The following GSPT1 variants were observed in gnomAD, a reference collection of about 807,000 sequenced individuals.
The protein encoded by GSPT1 is G1 to S phase transition 1.
Under a neutral mutation model 72.5 loss-of-function variants are expected in GSPT1, and 20 were observed. That is an observed-to-expected ratio of 0.28 (90% CI 0.19 to 0.40). The LOEUF (loss-of-function observed/expected upper bound fraction) is 0.40, where lower values mean the gene tolerates loss of function less well. Among genes scored for constraint, GSPT1 ranks in the 10% least tolerant of loss-of-function variants. The probability of loss-of-function intolerance (pLI) is 1.00; values close to 1 mark genes in which losing one functional copy is unlikely to be tolerated. For synonymous variants in GSPT1, 334 were observed against 293.5 expected (o/e 1.14, Z -1.41); for missense variants, 580 against 811.9 (o/e 0.71, Z 3.47).
chr16:11,890,725 C>T (rs2054248153), intron 6 of GSPT1: 1 of 171,000 alleles, frequency 5.8e-6, no homozygotes, highest in African/African-American at 2.4e-5. Flanking sequence ...TTCCTGCTTC[C>T]CCCCAACTGC....
Position 11,873,083 on chromosome 16 carries a change from T to G in GSPT1, c.*36A>C. On this transcript the variant is annotated 3_prime_UTR_variant, in exon 15 of 15. Coordinates refer to ENST00000434724, the MANE Select transcript of GSPT1 (RefSeq NM_002094.4). ...TGAAGTAGGCTTCTGCAGTCAATTT[T>G]CCTCACAGTATTGTGCAGGGTCATC... 1 of 1,307,124 alleles carries G rather than the reference T, an allele frequency of 7.7e-7. No homozygotes were observed. Among genetic ancestry groups the G allele is most frequent in the South Asian group, 1.2e-5 (1 of 80,266 alleles). The allele number at this position is 1,307,124 out of a possible 1,614,324, so 81.0% of individuals were successfully genotyped here. A position where few individuals can be genotyped will look rare whatever the true frequency, so the allele number is the denominator to read the frequency against.
intron 14 of GSPT1, among the ~76,000 whole-genome samples, chr16:11,873,975 A>T (rs2054008339): frequency 6.6e-6 from 1 of 152,242 alleles, no homozygotes. Flanking sequence ...CAGTGATACA[A>T]AGGAATAAAT....
In GSPT1 at chr16:11,915,480, G is replaced by T; in HGVS notation, c.241C>A (p.His81Asn). Reference protein sequence around the residue: ...VNAKPFVPNVHAAEFVPSFLR... With the variant: ...VNAKPFVPNVNAAEFVPSFLR... ...AAGGACGGCACGAACTCGGCGGCGT[G>T]GACGTTGGGCACGAAGGGCTTGGCG... is the stretch of plus-strand genomic sequence containing the variant. Residue 81 changes from histidine (H) to asparagine (N), a missense_variant, in exon 1 of 15, where the codon CAC becomes AAC. Physicochemically the swap from His to Asn is moderately conservative, Grantham distance 68 (BLOSUM62 1). This residue lies in a region of GSPT1 where 327 missense variants were observed against 298.8 expected (regional missense o/e 1.09). Coordinates refer to ENST00000434724, the MANE Select transcript of GSPT1 (RefSeq NM_002094.4). The T allele has an allele frequency of 1.3e-6, 2 of 1,552,120 alleles. No individual in the cohort carries two copies. The highest frequency in any genetic ancestry group is 2.6e-5 in the East Asian group (1 of 37,968).
intron 6 of GSPT1, among the ~76,000 whole-genome samples, chr16:11,889,931 G>A (rs1031308024): frequency 4.0e-5 from 6 of 151,528 alleles, no homozygotes; most frequent in African/African-American, 9.7e-5. Flanking sequence ...TTGAGTCACC[G>A]CGCCTGGCCC....
rs555157227 is a variant in GSPT1 at position 11,899,699 on chromosome 16, A to T, written c.353-1664T>A. ...CATTTTCAAGAAAAGTTTAAGGATA[A>T]GGTAAGGAAAAATTACTCAGTTTTC... On this transcript the variant is annotated intron_variant, in intron 1 of 14. Transcript: ENST00000434724. Among the ~76,000 whole-genome samples the T allele has an allele frequency of 3.3e-5, 5 of 152,258 alleles. No homozygotes were observed. In the East Asian group the frequency reaches 7.7e-4, roughly 24 times the overall value.
At chr16:11,908,779 A>T (rs2150890549) in intron 1 of GSPT1, 1 of 45,410 alleles carries the variant, frequency 2.2e-5, no homozygotes, top group Admixed American at 2.3e-4. Context: ...AAAAAAAAAA[A>T]AAAAAAAAAA....
intron 4 of GSPT1, among the ~76,000 whole-genome samples, chr16:11,896,328 A>G (rs1215305394): frequency 3.3e-5 from 5 of 152,248 alleles, no homozygotes; most frequent in African/African-American, 1.2e-4. Context: ...TACGTACAAT[A>G]TACTGAAGTT....
intron 5 of GSPT1, among the ~76,000 whole-genome samples, 199 bp from the exon 6 acceptor site, chr16:11,891,338 A>G (rs940351291): frequency 5.4e-5 from 8 of 147,498 alleles, no homozygotes; most frequent in South Asian, 2.1e-4. Flanking sequence ...ACATTTTTAT[A>G]TAAAATATAT....
At chr16:11,910,144 G>C (rs1256382812) in intron 1 of GSPT1, among the ~76,000 whole-genome samples, 1 of 152,140 alleles carries the variant, frequency 6.6e-6, no homozygotes, top group African/African-American at 2.4e-5. Context: ...CAACCTTGGT[G>C]ATCAGGCTTT....
chr16:11,886,701 C>T, intron 8 of GSPT1, 76 bp downstream of exon 8: 1 of 1,552,646 alleles, frequency 6.4e-7, no homozygotes, highest in East Asian at 2.2e-5. Context: ...TTTAGAAAAA[C>T]CCTAGAGAAA....
intron 1 of GSPT1, among the ~76,000 whole-genome samples, chr16:11,910,292 T>C (rs2054542071): frequency 6.6e-6 from 1 of 152,208 alleles, no homozygotes; most frequent in Non-Finnish European, 1.5e-5. Context: ...GGATTGCTGT[T>C]CTCGGCTTTG....
rs1057324925 is a variant in GSPT1, at chr16:11,886,584, C to G, written c.1140G>C (p.Val380=). Residue 380 remains valine, a synonymous_variant, in exon 9 of 15, where the codon GTG becomes GTC. Coordinates refer to ENST00000434724, the MANE Select transcript of GSPT1 (RefSeq NM_002094.4). ...ERYEECKEKL[V]PFLKKVGFNP... ...TGAAGCCAACTTTTTTCAAAAATGGCACTAGTTTCTCCTTACATTCTTCAT... is the reference window on the plus strand; with the variant it reads ...TGAAGCCAACTTTTTTCAAAAATGGGACTAGTTTCTCCTTACATTCTTCAT... The G allele has an allele frequency of 1.7e-5, 28 of 1,611,730 alleles. No homozygotes were observed. Among genetic ancestry groups the G allele is most frequent in the Non-Finnish European group, 2.2e-5 (26 of 1,178,096 alleles).
At chr16:11,886,648 A>C in intron 8 of GSPT1, 37 bp from the exon 9 acceptor site, 1 of 1,577,136 alleles carries the variant, frequency 6.3e-7, no homozygotes, top group Non-Finnish European at 8.7e-7. Flanking sequence ...CTCAATTATA[A>C]TGTAAACCAA....
At position 11,873,852 on chromosome 16, in the gene GSPT1, G is replaced by A. The variant is rs1428503036; in HGVS notation, c.1862-681C>T. The stretch of plus-strand genomic sequence containing the variant: ...GATCCGCCTGCCTCGGCCTCCCAAA[G>A]TGCTGGGATTACAGGGGTGAGCCAC... On this transcript the variant is annotated intron_variant, in intron 14 of 14. Transcript: ENST00000434724. 2.0e-5 allele frequency among the ~76,000 whole-genome samples: 3 copies of A among 152,210 alleles called. No homozygotes were observed. In the East Asian group the frequency reaches 5.8e-4, roughly 29 times the overall value.
intron 11 of GSPT1, among the ~76,000 whole-genome samples, chr16:11,882,806 A>C (rs929757839): frequency 6.6e-6 from 1 of 152,088 alleles, no homozygotes; most frequent in African/African-American, 2.4e-5. Context: ...ATTTAAAAAA[A>C]AAAAAAATTA....
chr16:11,870,723 T>C lies in GSPT1; in HGVS notation c.*2396A>G, dbSNP rs1269760953. ...CAATTTTCAAAGCCCATAGAACTTATGTTGCTGGTTAATTTTAGCACTGAA... is the reference window on the plus strand; with the variant it reads ...CAATTTTCAAAGCCCATAGAACTTACGTTGCTGGTTAATTTTAGCACTGAA... On this transcript the variant is annotated 3_prime_UTR_variant, in exon 15 of 15. Coordinates refer to ENST00000434724, the MANE Select transcript of GSPT1 (RefSeq NM_002094.4). 2 of 152,388 alleles carry C rather than the reference T, an allele frequency of 1.3e-5. No homozygotes were observed. Among genetic ancestry groups the C allele is most frequent in the South Asian group, 4.1e-4 (2 of 4,830 alleles). The allele number at this position is 152,388 out of a possible 1,614,324, so 9.4% of individuals were successfully genotyped here. A position where few individuals can be genotyped will look rare whatever the true frequency, so the allele number is the denominator to read the frequency against.
At chr16:11,891,713 A>AGT (rs1272865948) in intron 5 of GSPT1, among the ~76,000 whole-genome samples, 15 of 136,334 alleles carry the variant, frequency 1.1e-4, no homozygotes, top group African/African-American at 4.2e-4. Flanking sequence ...CCTAGGGTGG[A>AGT]GTGCAGTGGC....
intron 1 of GSPT1, chr16:11,914,888 A>C (rs1007425134): frequency 6.3e-6 from 4 of 635,994 alleles, no homozygotes; most frequent in South Asian, 1.5e-5. Context: ...CAGTTTCAAT[A>C]GTAGAAAACG....
At chr16:11,886,662 C>G (rs1220826056) in intron 8 of GSPT1, 51 bp from the exon 9 acceptor site, 70 of 1,558,010 alleles carry the variant, frequency 4.5e-5, no homozygotes, top group Non-Finnish European at 5.8e-5. Flanking sequence ...AAACCAAGAA[C>G]TCTAGTTTCC....
Sources: allele counts gnomAD v4.1 joint callset (sites outside exome capture counted in the v4.1 genomes callset), GRCh38; gene constraint gnomAD v4.1.1; regional missense constraint gnomAD v4.1.1; transcripts MANE v1.5; gene names NCBI Gene and HGNC (gene_info 2026-07-23, HGNC 2026-07-21).